Variants in ST8SIA6 observed in about 807,000 individuals in gnomAD.
ST8SIA6 encodes alpha-2,8-sialyltransferase 8F.
Under a neutral mutation model 33.6 loss-of-function variants are expected in ST8SIA6, and 39 were observed. The ratio of observed to expected loss-of-function variants is 1.16; its 90% CI spans 0.90 to 1.52. The LOEUF (loss-of-function observed/expected upper bound fraction) is 1.52, where lower values mean the gene tolerates loss of function less well. Among genes scored for constraint, ST8SIA6 ranks in the 40% most tolerant of loss-of-function variants. ST8SIA6 has a pLI of 0.00. For missense variants in ST8SIA6, 441 were observed against 443.8 expected, an observed-to-expected ratio of 0.99 and a Z score of 0.06; for synonymous variants, 172 against 167.2, an observed-to-expected ratio of 1.03 and a Z score of -0.22.
intron 4 of ST8SIA6, among the ~76,000 whole-genome samples, chr10:17,345,841 A>G (rs1334108669): frequency 6.6e-6 from 1 of 152,200 alleles, no homozygotes; most frequent in African/African-American, 2.4e-5. Flanking sequence ...CTAATCAGTT[A>G]GAAAGATAGG....
chr10:17,375,169 T>G (rs1483706422), intron 3 of ST8SIA6, among the ~76,000 whole-genome samples: 2 of 152,042 alleles, frequency 1.3e-5, no homozygotes, highest in Non-Finnish European at 2.9e-5. Flanking sequence ...AAGACAAAAA[T>G]GTACACATCG....
intron 2 of ST8SIA6, among the ~76,000 whole-genome samples, chr10:17,419,690 C>T (rs1398960699): frequency 2.0e-5 from 3 of 152,224 alleles, no homozygotes; most frequent in African/African-American, 7.2e-5. Context: ...GATTTCCCCA[C>T]CCTCAGGGAA....
chr10:17,454,329 CCCG>C lies in ST8SIA6; in HGVS notation c.-77_-75del. ...GCCCGGGCGGCCCCGACTCGCGGCTCCCGCCGCCGCCGCCACCGCCGCCGTGGC... is the reference window on the plus strand; with the variant it reads ...GCCCGGGCGGCCCCGACTCGCGGCTCCCGCCGCCGCCACCGCCGCCGTGGC... On this transcript the variant is annotated 5_prime_UTR_variant, in exon 1 of 8. Transcript: ENST00000377602. The surrounding 1 kb of genome is among the most constrained non-coding windows in gnomAD (Gnocchi z 4.1). 2.4e-4 allele frequency: 39 copies of C among 165,854 alleles called. No individual in the cohort carries two copies. The highest frequency in any genetic ancestry group is 3.6e-4 in the Non-Finnish European group (28 of 78,374). The allele number at this position is 165,854 out of a possible 1,614,324, so 10.3% of individuals were successfully genotyped here. A position where few individuals can be genotyped will look rare whatever the true frequency, so the allele number is the denominator to read the frequency against.
At chr10:17,366,685 A>G (rs577302144) in intron 3 of ST8SIA6, among the ~76,000 whole-genome samples, 3 of 152,252 alleles carry the variant, frequency 2.0e-5, no homozygotes, top group African/African-American at 7.2e-5. Flanking sequence ...ACCACCCCCA[A>G]ATCTACAGGT....
chr10:17,409,345 G>A (rs977854115), intron 2 of ST8SIA6: 5 of 152,556 alleles, frequency 3.3e-5, no homozygotes, highest in African/African-American at 1.2e-4. Flanking sequence ...CAATACCTAG[G>A]AACTCCTGTA....
At chr10:17,396,258 C>A (rs1368756285) in intron 2 of ST8SIA6, among the ~76,000 whole-genome samples, 1 of 152,216 alleles carries the variant, frequency 6.6e-6, no homozygotes, top group Non-Finnish European at 1.5e-5. Context: ...TGTAGCAATA[C>A]AGCCCCTGGC....
At chr10:17,437,664 TC>T (rs1346550577) in intron 2 of ST8SIA6, among the ~76,000 whole-genome samples, 3 of 147,940 alleles carry the variant, frequency 2.0e-5, no homozygotes, top group African/African-American at 7.5e-5. Flanking sequence ...CTTCCTTCCT[TC>T]TGTCTCTCTT....
rs151113943 is a variant in ST8SIA6 at position 17,320,191 on chromosome 10, G to C, written c.*687C>G. The C allele has an allele frequency of 3.3e-5, 5 of 152,104 alleles. No homozygotes were observed. The highest frequency in any genetic ancestry group is 5.9e-5 in the Non-Finnish European group (4 of 68,054). 9.4% of individuals were successfully genotyped at this position (152,104 alleles called of 1,614,324 possible). A position where few individuals can be genotyped will look rare whatever the true frequency, so the allele number is the denominator to read the frequency against. On this transcript the variant is annotated 3_prime_UTR_variant, in exon 8 of 8. Coordinates refer to ENST00000377602, the MANE Select transcript of ST8SIA6 (RefSeq NM_001004470.3). ...CTTGAAGTATATCGTATAAGTGAGA[G>C]AGAAAAAAGTGTAAGAATGAGGCAG...
intron 2 of ST8SIA6, among the ~76,000 whole-genome samples, chr10:17,435,149 G>A (rs935876820): frequency 5.9e-5 from 9 of 152,170 alleles, no homozygotes; most frequent in Admixed American, 1.3e-4. Context: ...GTTTGACTTC[G>A]TAATCTGAAG....
intron 2 of ST8SIA6, among the ~76,000 whole-genome samples, chr10:17,431,736 GAAAAA>G (rs113184112): frequency 0.014 from 1,667 of 118,914 alleles, 26 homozygotes; most frequent in African/African-American, 0.042. Flanking sequence ...TCTTCGTTTG[GAAAAA>G]AAAAAAAAAA....
chr10:17,423,089 G>A (rs1471665546), intron 2 of ST8SIA6, among the ~76,000 whole-genome samples: 1 of 152,134 alleles, frequency 6.6e-6, no homozygotes, highest in Non-Finnish European at 1.5e-5. Flanking sequence ...AGACACTCAG[G>A]GAGTGCTTGG....
At chr10:17,372,710 G>A (rs1002676964) in intron 3 of ST8SIA6, among the ~76,000 whole-genome samples, 1 of 152,150 alleles carries the variant, frequency 6.6e-6, no homozygotes, top group East Asian at 1.9e-4. Context: ...TGAGTAATGG[G>A]TTAGTTACCC....
chr10:17,385,024 GTTTT>G (rs889762074), intron 3 of ST8SIA6, among the ~76,000 whole-genome samples: 1 of 151,866 alleles, frequency 6.6e-6, no homozygotes, highest in African/African-American at 2.4e-5. Context: ...TTGTTTGTTT[GTTTT>G]TTTGTAAAAT....
chr10:17,402,578 G>T (rs2131680839), intron 2 of ST8SIA6, among the ~76,000 whole-genome samples: 1 of 152,298 alleles, frequency 6.6e-6, no homozygotes, highest in Non-Finnish European at 1.5e-5. Context: ...TATACACCAT[G>T]GAATACTATG....
intron 2 of ST8SIA6, among the ~76,000 whole-genome samples, chr10:17,443,941 ACT>A (rs1476635855): frequency 6.6e-6 from 1 of 152,094 alleles, no homozygotes; most frequent in African/African-American, 2.4e-5. Flanking sequence ...AAGACTACTG[ACT>A]CTAAAAGGAA....
chr10:17,347,655 C>A (rs1461949884), intron 4 of ST8SIA6, among the ~76,000 whole-genome samples: 1 of 152,074 alleles, frequency 6.6e-6, no homozygotes, highest in Non-Finnish European at 1.5e-5. Context: ...AAGTGACTTG[C>A]AAGGATCCCT....
chr10:17,363,409 G>T (rs1170512623), intron 3 of ST8SIA6, among the ~76,000 whole-genome samples: 1 of 152,102 alleles, frequency 6.6e-6, no homozygotes, highest in African/African-American at 2.4e-5. Context: ...TGTAGAACTT[G>T]CCAATTAGTT....
intron 2 of ST8SIA6, among the ~76,000 whole-genome samples, chr10:17,393,896 T>G (rs1489944015): frequency 6.6e-6 from 1 of 152,224 alleles, no homozygotes; most frequent in Non-Finnish European, 1.5e-5. Flanking sequence ...GCCACTTCCT[T>G]CCCAATTCCC....
intron 2 of ST8SIA6, among the ~76,000 whole-genome samples, chr10:17,430,371 AT>A (rs140238431): frequency 0.028 from 4,331 of 152,112 alleles, 73 homozygotes; most frequent in Non-Finnish European, 0.046. Flanking sequence ...GTGCATGTGT[AT>A]TTTTCATATA....
Sources: allele counts gnomAD v4.1 joint callset (sites outside exome capture counted in the v4.1 genomes callset), GRCh38; gene constraint gnomAD v4.1.1; non-coding constraint Gnocchi (gnomAD v3.1); transcripts MANE v1.5; gene names NCBI Gene and HGNC (gene_info 2026-07-23, HGNC 2026-07-21).